The following OTULINL variants were observed in gnomAD, a reference collection of about 807,000 sequenced individuals.
OTULINL encodes inactive ubiquitin thioesterase OTULINL.
Under a neutral mutation model 43.9 loss-of-function variants are expected in OTULINL, and 42 were observed. The ratio of observed to expected loss-of-function variants is 0.96; its 90% CI spans 0.75 to 1.24. OTULINL has a LOEUF of 1.24. OTULINL is among the 50% of genes most tolerant of loss of function. OTULINL has a pLI of 0.00. For missense variants in OTULINL, 411 were observed against 426.4 expected, an observed-to-expected ratio of 0.96 and a Z score of 0.32; for synonymous variants, 172 against 153.6, an observed-to-expected ratio of 1.12 and a Z score of -0.88.
intron 1 of OTULINL, 118 bp from the exon 2 acceptor site, chr5:14,600,847 A>T: frequency 1.2e-6 from 1 of 865,084 alleles, no homozygotes; most frequent in Non-Finnish European, 1.6e-6. Flanking sequence ...TATGTAAATC[A>T]GTGATAGATA....
chr5:14,581,884 GC>G lies in OTULINL; in HGVS notation c.-10del. 1 of 1,409,776 alleles carries G rather than the reference GC, an allele frequency of 7.1e-7. No individual in the cohort carries two copies. The allele number at this position is 1,409,776 out of a possible 1,614,324, so 87.3% of individuals were successfully genotyped here. ...GGCCGAGGCCCAGCGCCCGTCCGCA[GC>G]GCGGCCGGCATGGCGGCGACAAGGA... On this transcript the variant is annotated 5_prime_UTR_variant, in exon 1 of 8. Coordinates refer to ENST00000274217, the MANE Select transcript of OTULINL (RefSeq NM_019018.3).
chr5:14,606,130 G>A (rs1411765793), intron 5 of OTULINL, among the ~76,000 whole-genome samples: 3 of 152,196 alleles, frequency 2.0e-5, no homozygotes, highest in Admixed American at 2.0e-4. Flanking sequence ...ACAGTTCCAT[G>A]TGGCTGGGGA....
At chr5:14,599,837 G>C (rs1364494692) in intron 1 of OTULINL, among the ~76,000 whole-genome samples, 1 of 152,140 alleles carries the variant, frequency 6.6e-6, no homozygotes, top group Non-Finnish European at 1.5e-5. Context: ...TTTCTCTTTT[G>C]TCAAATCAGG....
chr5:14,615,911 G>A lies in OTULINL; in HGVS notation c.*5597G>A, dbSNP rs1759665471. The stretch of plus-strand genomic sequence containing the variant: ...GACATGCTCTTCTTTGTACTATACA[G>A]AAGGACACACCACAGATCCTCTTTT... On this transcript the variant is annotated 3_prime_UTR_variant, in exon 8 of 8. Coordinates refer to ENST00000274217, the MANE Select transcript of OTULINL (RefSeq NM_019018.3). Among the ~76,000 whole-genome samples the A allele has an allele frequency of 1.3e-5, 2 of 152,202 alleles. No individual in the cohort carries two copies. The highest frequency in any genetic ancestry group is 4.1e-4 in the South Asian group (2 of 4,828).
At chr5:14,607,494 T>A in intron 6 of OTULINL, 36 bp downstream of exon 6, 1 of 1,610,924 alleles carries the variant, frequency 6.2e-7, no homozygotes, top group East Asian at 2.2e-5. Flanking sequence ...AGACTAGGAA[T>A]AAAAGCACAT....
rs1237797833 is a variant in OTULINL, at chr5:14,612,939, TG to T, written c.*2626del. On this transcript the variant is annotated 3_prime_UTR_variant, in exon 8 of 8. Transcript: ENST00000274217. The stretch of plus-strand genomic sequence containing the variant: ...TTTATATTTTAACAATTTTTTTTTT[TG>T]AGACGGAGTTTCACTCTTTTTGCTC... 1.4e-5 allele frequency among the ~76,000 whole-genome samples: 2 copies of T among 142,288 alleles called. No individual in the cohort carries two copies. Among genetic ancestry groups the T allele is most frequent in the Non-Finnish European group, 3.1e-5 (2 of 64,830 alleles). 93.3% of individuals were successfully genotyped at this position (142,288 alleles called of 152,430 possible).
rs1176857852 is a variant in OTULINL at position 14,615,431 on chromosome 5, G to A, written c.*5117G>A. The stretch of plus-strand genomic sequence containing the variant: ...TGGAAAGAACCCCAGGGCAAGGTGA[G>A]GAGAAGCAGCTGGTACAGACTGATG... On this transcript the variant is annotated 3_prime_UTR_variant, in exon 8 of 8. Transcript: ENST00000274217. 6.6e-6 allele frequency among the ~76,000 whole-genome samples: 1 copy of A among 152,190 alleles called. No individual in the cohort carries two copies. Among genetic ancestry groups the A allele is most frequent in the South Asian group, 2.1e-4 (1 of 4,826 alleles).
rs139172421 is a variant in OTULINL, at chr5:14,582,652, A to G, written c.64+694A>G. On this transcript the variant is annotated intron_variant, in intron 1 of 7. Coordinates refer to ENST00000274217, the MANE Select transcript of OTULINL (RefSeq NM_019018.3). ...AGCATAGTGAAACCTTGTCTCTACTAAAAATACAAAAAATTATCCGGGCAT... is the reference window on the plus strand; with the variant it reads ...AGCATAGTGAAACCTTGTCTCTACTGAAAATACAAAAAATTATCCGGGCAT... Among the ~76,000 whole-genome samples, 16 of 151,850 alleles carry G rather than the reference A, an allele frequency of 1.1e-4. No homozygotes were observed. The East Asian group carries it at 2.7e-3, about 26-fold the overall frequency.
intron 5 of OTULINL, among the ~76,000 whole-genome samples, chr5:14,604,089 T>C (rs1489329951): frequency 1.3e-5 from 2 of 152,142 alleles, no homozygotes; most frequent in Non-Finnish European, 2.9e-5. Flanking sequence ...CCCAGCACTT[T>C]GGGAGGCCAA....
In OTULINL at chr5:14,614,842, G is replaced by A. The variant is rs1759644915; in HGVS notation, c.*4528G>A. On this transcript the variant is annotated 3_prime_UTR_variant, in exon 8 of 8. Transcript: ENST00000274217. The stretch of plus-strand genomic sequence containing the variant: ...TTCTGTTTAAAAAAATCAAATTTCT[G>A]TATGTAATTGACGTATTGGTCCTTA... The A allele has an allele frequency of 2.5e-6, 1 of 398,020 alleles. No individual in the cohort carries two copies. The highest frequency in any genetic ancestry group is 1.4e-4 in the South Asian group (1 of 7,356). The allele number at this position is 398,020 out of a possible 1,614,324, so 24.7% of individuals were successfully genotyped here.
intron 1 of OTULINL, 33 bp downstream of exon 1, chr5:14,581,991 G>A (rs1235906203): frequency 2.4e-6 from 3 of 1,240,778 alleles, no homozygotes; most frequent in African/African-American, 1.6e-5. Flanking sequence ...CGGGGCGGGG[G>A]GCGCGAGCAG....
chr5:14,600,207 T>C (rs1013620488), intron 1 of OTULINL, among the ~76,000 whole-genome samples: 1 of 152,160 alleles, frequency 6.6e-6, no homozygotes, highest in East Asian at 1.9e-4. Flanking sequence ...TATAAGGGGC[T>C]TTCCCCCCTT....
chr5:14,588,084 T>A (rs1199635704), intron 1 of OTULINL, among the ~76,000 whole-genome samples: 1 of 152,168 alleles, frequency 6.6e-6, no homozygotes, highest in Admixed American at 6.5e-5. Context: ...TTTGCTGGCA[T>A]TTGTCAAGAT....
At chr5:14,591,281 AC>A (rs1420081716) in intron 1 of OTULINL, among the ~76,000 whole-genome samples, 2 of 152,212 alleles carry the variant, frequency 1.3e-5, no homozygotes, top group Non-Finnish European at 2.9e-5. Context: ...CATGTTCTGG[AC>A]TGAAAGGTAG....
At chr5:14,586,982 C>G (rs1299778302) in intron 1 of OTULINL, among the ~76,000 whole-genome samples, 1 of 152,006 alleles carries the variant, frequency 6.6e-6, no homozygotes, top group Non-Finnish European at 1.5e-5. Context: ...CAAACCAGTT[C>G]CAAATGGCTC....
In OTULINL at chr5:14,598,616, C is replaced by T. The variant is rs568350365; in HGVS notation, c.65-2349C>T. ...TCAATAAGGCAGTGTTAGGCTGAGG[C>T]GGGAGGATGGCTTGAATCTAAGAGT... On this transcript the variant is annotated intron_variant, in intron 1 of 7. Transcript: ENST00000274217. 5.9e-4 allele frequency among the ~76,000 whole-genome samples: 90 copies of T among 152,172 alleles called. 1 individual carries two copies. The highest frequency in any genetic ancestry group is 2.1e-4 in the South Asian group (1 of 4,822).
rs1759525828 is a variant in OTULINL, at chr5:14,608,905, A to G, written c.785A>G (p.Lys262Arg). The G allele has an allele frequency of 6.2e-7, 1 of 1,614,104 alleles. No homozygotes were observed. The highest frequency in any genetic ancestry group is 1.7e-5 in the Admixed American group (1 of 60,008). Residue 262 changes from lysine (K) to arginine (R), a missense_variant, in exon 7 of 8, where the codon AAG (lysine) becomes AGG (arginine). Coordinates refer to ENST00000274217, the MANE Select transcript of OTULINL (RefSeq NM_019018.3). ...TEVYEQMKTKKVIPSLFRLLF... is the reference protein window; with the variant it reads ...TEVYEQMKTKRVIPSLFRLLF... ...GTTTATGAACAAATGAAGACTAAAA[A>G]GGTCATTCCCAGTCTTTTTAGACTC...
rs905789697 is a variant in OTULINL at position 14,610,963 on chromosome 5, T to C, written c.*649T>C. ...TAGTGTACAGTTTGTTTTATATCTC[T>C]TTACTTTTTTTGTTACTATTTTATC... is the stretch of plus-strand genomic sequence containing the variant. On this transcript the variant is annotated 3_prime_UTR_variant, in exon 8 of 8. Transcript: ENST00000274217. 1.3e-5 allele frequency: 2 copies of C among 152,222 alleles called. No individual in the cohort carries two copies. The highest frequency in any genetic ancestry group is 4.8e-5 in the African/African-American group (2 of 41,450). The allele number at this position is 152,222 out of a possible 1,614,324, so 9.4% of individuals were successfully genotyped here.
chr5:14,607,281 A>G, intron 5 of OTULINL, 49 bp from the exon 6 acceptor site: 1 of 1,597,404 alleles, frequency 6.3e-7, no homozygotes, highest in Non-Finnish European at 8.5e-7. Flanking sequence ...AATTGTGTGT[A>G]ATAAACGTTC....
Sources: gnomAD v4.1 joint callset for allele counts (sites outside exome capture counted in the v4.1 genomes callset) on GRCh38, gnomAD v4.1.1 for gene constraint, MANE v1.5 for transcripts, NCBI Gene and HGNC (gene_info 2026-07-23, HGNC 2026-07-21) for gene names.